The following DPP10 variants were observed in gnomAD, a reference collection of about 807,000 sequenced individuals.
DPP10 encodes dipeptidyl peptidase like 10, also known as inactive dipeptidyl peptidase 10.
Under a neutral mutation model 120.9 loss-of-function variants are expected in DPP10, and 33 were observed. The observed-to-expected ratio is 0.27, with a 90% confidence interval of 0.21 to 0.37. DPP10 has a LOEUF of 0.37. Ranked by LOEUF, DPP10 falls within the 10% of genes least tolerant of loss-of-function variation. The probability of loss-of-function intolerance (pLI) is 1.00; values close to 1 mark genes in which losing one functional copy is unlikely to be tolerated. For synonymous variants in DPP10, 337 were observed against 326.1 expected, an observed-to-expected ratio of 1.03 and a Z score of -0.36; for missense variants, 816 against 942.8, an observed-to-expected ratio of 0.87 and a Z score of 1.76.
chr2:115,560,443 TATAC>T lies in DPP10; in HGVS notation c.441+34472_441+34475del, dbSNP rs1451298551. ...ATATATATATATATATATATATATATATACGACAAGCTACTGATTTAAGGGCAAG... is the reference window on the plus strand; with the variant it reads ...ATATATATATATATATATATATATATGACAAGCTACTGATTTAAGGGCAAG... On this transcript the variant is annotated intron_variant, in intron 5 of 25. Transcript: ENST00000410059. Among the ~76,000 whole-genome samples, 247 of 85,858 alleles carry T rather than the reference TATAC, an allele frequency of 2.9e-3. 5 individuals carry two copies. The highest frequency in any genetic ancestry group is 0.011 in the African/African-American group (237 of 20,732). The allele number at this position is 85,858 out of a possible 152,430, so 56.3% of individuals were successfully genotyped here.
intron 1 of DPP10, among the ~76,000 whole-genome samples, chr2:114,723,038 C>T (rs966299831): frequency 2.6e-5 from 4 of 152,102 alleles, no homozygotes; most frequent in South Asian, 2.1e-4. Context: ...GGAAGTGCTC[C>T]GTGCACATTC....
rs72826502 is a variant in DPP10, at chr2:115,655,752, A to T, written c.442-33935A>T. Reference sequence around the variant, plus strand: ...GATATTAATCATATAATCGCTCAACACATTCCTACTGAATTGATTTTAATT... The same window carrying T: ...GATATTAATCATATAATCGCTCAACTCATTCCTACTGAATTGATTTTAATT... On this transcript the variant is annotated intron_variant, in intron 5 of 25. Transcript: ENST00000410059. 6.6e-3 allele frequency among the ~76,000 whole-genome samples: 1,007 copies of T among 151,808 alleles called. 5 individuals carry two copies. Among genetic ancestry groups the T allele is most frequent in the Non-Finnish European group, 0.011 (729 of 67,708 alleles).
intron 1 of DPP10, among the ~76,000 whole-genome samples, chr2:115,085,265 C>T (rs1388324751): frequency 6.6e-6 from 1 of 152,202 alleles, no homozygotes; most frequent in Non-Finnish European, 1.5e-5. Context: ...CCCTTCCCTT[C>T]CCATATCTTT....
At chr2:114,655,004 CT>C (rs1219813604) in intron 1 of DPP10, among the ~76,000 whole-genome samples, 1 of 152,152 alleles carries the variant, frequency 6.6e-6, no homozygotes, top group African/African-American at 2.4e-5. Context: ...TATTCTTTGA[CT>C]TAGCATTAGA....
At position 115,652,723 on chromosome 2, in the gene DPP10, A is replaced by T. The variant is rs12328459; in HGVS notation, c.442-36964A>T. Among the ~76,000 whole-genome samples the T allele has an allele frequency of 2.0e-5, 3 of 151,792 alleles. No homozygotes were observed. In the Admixed American group the frequency reaches 2.0e-4, roughly 10 times the overall value. On this transcript the variant is annotated intron_variant, in intron 5 of 25. Coordinates refer to ENST00000410059, the MANE Select transcript of DPP10 (RefSeq NM_020868.6). ...AACAGTTGGGCAGAGAAAGCGAATC[A>T]TCTCTTATTCTGCATTTTGTTTGAT...
At chr2:115,190,856 C>T (rs2105225108) in intron 1 of DPP10, among the ~76,000 whole-genome samples, 1 of 152,318 alleles carries the variant, frequency 6.6e-6, no homozygotes. Context: ...CCATTCCAGC[C>T]AAGCATTTGT....
chr2:114,804,690 A>G (rs951024284), intron 1 of DPP10, among the ~76,000 whole-genome samples: 5 of 152,180 alleles, frequency 3.3e-5, no homozygotes, highest in Admixed American at 1.3e-4. Flanking sequence ...AAACAGCTAC[A>G]TTTACCCAAT....
intron 5 of DPP10, among the ~76,000 whole-genome samples, chr2:115,675,219 C>T (rs751929844): frequency 1.6e-4 from 24 of 152,122 alleles, no homozygotes; most frequent in African/African-American, 5.8e-4. Context: ...ACACACAATC[C>T]ACACATATAT....
At chr2:115,750,215 C>T in intron 10 of DPP10, 1 of 985,070 alleles carries the variant, frequency 1.0e-6, no homozygotes, top group Non-Finnish European at 1.2e-6. Context: ...TCCCTACTCC[C>T]TCATTCAGAG....
At chr2:115,526,926 A>G (rs1317782094) in intron 5 of DPP10, among the ~76,000 whole-genome samples, 1 of 152,118 alleles carries the variant, frequency 6.6e-6, no homozygotes, top group Non-Finnish European at 1.5e-5. Context: ...CCTAGTATAG[A>G]TGTTGGCCTG....
At chr2:115,099,130 C>CAAAAAAAAA (rs55815168) in intron 1 of DPP10, among the ~76,000 whole-genome samples, 21 of 73,942 alleles carry the variant, frequency 2.8e-4, no homozygotes, top group Middle Eastern at 7.9e-3. Flanking sequence ...GCTAAAAATA[C>CAAAAAAAAA]AAAAAAAAAA....
At chr2:115,290,388 AG>A (rs1457568185) in intron 1 of DPP10, among the ~76,000 whole-genome samples, 1 of 152,100 alleles carries the variant, frequency 6.6e-6, no homozygotes, top group African/African-American at 2.4e-5. Flanking sequence ...TGGATGATAG[AG>A]GTATACATAT....
At chr2:114,774,148 G>A (rs1362722608) in intron 1 of DPP10, among the ~76,000 whole-genome samples, 1 of 152,024 alleles carries the variant, frequency 6.6e-6, no homozygotes, top group Non-Finnish European at 1.5e-5. Context: ...TGTATTCTGT[G>A]CCAGGAGATG....
chr2:115,302,997 A>G (rs1260959073), intron 1 of DPP10, among the ~76,000 whole-genome samples: 1 of 151,998 alleles, frequency 6.6e-6, no homozygotes, highest in Admixed American at 6.6e-5. Context: ...CTTTATTGGT[A>G]TTCTTAACTG....
intron 5 of DPP10, among the ~76,000 whole-genome samples, chr2:115,677,899 C>A (rs1002567260): frequency 6.6e-6 from 1 of 152,172 alleles, no homozygotes; most frequent in Non-Finnish European, 1.5e-5. Context: ...TCTTAAACTG[C>A]ACTTAACACC....
intron 1 of DPP10, among the ~76,000 whole-genome samples, chr2:114,850,304 G>C (rs1360467013): frequency 6.6e-6 from 1 of 151,980 alleles, no homozygotes; most frequent in Non-Finnish European, 1.5e-5. Flanking sequence ...TGAAACTACA[G>C]GTGTGTGCCA....
intron 3 of DPP10, among the ~76,000 whole-genome samples, chr2:115,442,117 GT>G (rs1004266683): frequency 3.3e-5 from 5 of 149,448 alleles, no homozygotes; most frequent in African/African-American, 7.3e-5. Context: ...CAGCTGACAA[GT>G]TTTTTTTTTA....
chr2:115,525,536 A>G lies in DPP10; in HGVS notation c.367-362A>G, dbSNP rs145769711. On this transcript the variant is annotated intron_variant, in intron 4 of 25. Transcript: ENST00000410059. Reference sequence around the variant, plus strand: ...GAAAATTATGACAAACAGAATGTCAATACTTCTTTTCCTTTTGATTAATCT... The same window carrying G: ...GAAAATTATGACAAACAGAATGTCAGTACTTCTTTTCCTTTTGATTAATCT... 3.8e-3 allele frequency among the ~76,000 whole-genome samples: 575 copies of G among 152,216 alleles called. 5 individuals are homozygous for G. The highest frequency in any genetic ancestry group is 2.8e-3 in the Non-Finnish European group (191 of 67,992).
chr2:115,343,757 T>A, intron 2 of DPP10, 60 bp from the exon 3 acceptor site: 3 of 1,183,080 alleles, frequency 2.5e-6, no homozygotes, highest in Non-Finnish European at 3.7e-6. Flanking sequence ...TTTTGTAATT[T>A]GCTCCTTTTA....
Sources: gnomAD v4.1 joint callset for allele counts (sites outside exome capture counted in the v4.1 genomes callset) on GRCh38, gnomAD v4.1.1 for gene constraint, MANE v1.5 for transcripts, NCBI Gene and HGNC (gene_info 2026-07-23, HGNC 2026-07-21) for gene names.